Variants in CIB2 observed in about 807,000 individuals in gnomAD.
CIB2 encodes calcium and integrin-binding family member 2.
In CIB2, 19 loss-of-function variants were observed where a neutral mutation model predicts 23.1. The observed-to-expected ratio is 0.82, with a 90% confidence interval of 0.57 to 1.21. The LOEUF is 1.21. Among genes scored for constraint, CIB2 ranks in the 50% most tolerant of loss-of-function variants. The pLI, the probability that CIB2 is intolerant of heterozygous loss-of-function variation, is 0.00. For synonymous variants in CIB2, 94 were observed against 91.7 expected (o/e 1.03, Z -0.14); for missense variants, 220 against 241.5 (o/e 0.91, Z 0.59).
At chr15:78,108,722 T>G (rs1469755526) in intron 4 of CIB2, among the ~76,000 whole-genome samples, 1 of 152,034 alleles carries the variant, frequency 6.6e-6, no homozygotes, top group African/African-American at 2.4e-5. Context: ...AGAGCTGCCC[T>G]TCCTCACTGG....
rs140284593 is a variant in CIB2, at chr15:78,111,061, G to A, written c.198+104C>T. ...GGTTCTGTGATCTGCTCAGAGCCAC[G>A]CAGACACAAAGGGTGGAGCTGGGTT... On this transcript the variant is annotated intron_variant, in intron 3 of 5. Transcript: ENST00000258930. 28 of 931,866 alleles carry A rather than the reference G, an allele frequency of 3.0e-5. No homozygotes were observed. In the African/African-American group the frequency reaches 3.7e-4, roughly 12 times the overall value. The allele number at this position is 931,866 out of a possible 1,614,324, so 57.7% of individuals were successfully genotyped here.
intron 4 of CIB2, among the ~76,000 whole-genome samples, chr15:78,107,932 G>A (rs1440121872): frequency 6.6e-6 from 1 of 152,192 alleles, no homozygotes; most frequent in Admixed American, 6.5e-5. Context: ...AGCACTTTGG[G>A]AGGCCAAGGC....
At chr15:78,117,072 A>G (rs2074250100) in intron 2 of CIB2, among the ~76,000 whole-genome samples, 1 of 151,774 alleles carries the variant, frequency 6.6e-6, no homozygotes, top group Admixed American at 6.6e-5. Flanking sequence ...AGGTACTTAG[A>G]TAACTATTGT....
chr15:78,129,015 G>C (rs2074419248), intron 1 of CIB2, among the ~76,000 whole-genome samples: 1 of 152,202 alleles, frequency 6.6e-6, no homozygotes, highest in Non-Finnish European at 1.5e-5. Context: ...TGGAGTTTGA[G>C]GGGTCTGGGG....
Position 78,111,274 on chromosome 15 carries a change from A to G in CIB2, c.89T>C (p.Leu30Pro). Residue 30 changes from leucine to proline, a missense_variant and splice_region_variant, in exon 3 of 6, where the codon CTG becomes CCG. Physicochemically the swap from Leu to Pro is moderately conservative, Grantham distance 98. Transcript: ENST00000258930. ...GGCCAGCTCATAGAATCGCGAATGC[A>G]GCCTTGGAGGAAAGCAGAGAAAAAG... is the stretch of plus-strand genomic sequence containing the variant. ...TFFNKKDILK[L>P]HSRFYELAPN... 1.9e-6 allele frequency: 3 copies of G among 1,613,730 alleles called. No homozygotes were observed. Among genetic ancestry groups the G allele is most frequent in the African/African-American group, 1.3e-5 (1 of 75,048 alleles).
At chr15:78,109,194 C>CG (rs2074115225) in intron 4 of CIB2, 41 bp downstream of exon 4, 2 of 1,268,878 alleles carry the variant, frequency 1.6e-6, no homozygotes. Flanking sequence ...CCACATGTTC[C>CG]CCCACCGCAT....
At chr15:78,117,246 C>CAAAACAAAAAAAAAAAAAAAAAAAA (rs2074253191) in intron 2 of CIB2, among the ~76,000 whole-genome samples, 1 of 55,496 alleles carries the variant, frequency 1.8e-5, no homozygotes, top group Non-Finnish European at 3.0e-5. Context: ...AAGCTACTGG[C>CAAAACAAAAAAAAAAAAAAAAAAAA]AAAAAAAAAA....
At chr15:78,108,218 AAG>A (rs2074099902) in intron 4 of CIB2, among the ~76,000 whole-genome samples, 1 of 151,014 alleles carries the variant, frequency 6.6e-6, no homozygotes, top group Non-Finnish European at 1.5e-5. Flanking sequence ...AAAAAAAAAA[AAG>A]AAAAGAAAAG....
At chr15:78,107,191 C>T (rs958034305) in intron 4 of CIB2, among the ~76,000 whole-genome samples, 2 of 152,098 alleles carry the variant, frequency 1.3e-5, no homozygotes, top group Non-Finnish European at 2.9e-5. Context: ...GCTGAGATCG[C>T]ACCACTGCAC....
At chr15:78,120,657 T>C in intron 2 of CIB2, 1 of 985,050 alleles carries the variant, frequency 1.0e-6, no homozygotes, top group Non-Finnish European at 1.2e-6. Context: ...AGCAATCGGA[T>C]CTACCTGGGT....
chr15:78,130,787 C>T (rs2074442795), intron 1 of CIB2, among the ~76,000 whole-genome samples: 1 of 152,182 alleles, frequency 6.6e-6, no homozygotes, highest in Non-Finnish European at 1.5e-5. Context: ...CTCCTGGGCT[C>T]CTTCCTGGGG....
At chr15:78,118,725 C>T (rs2074276304) in intron 2 of CIB2, among the ~76,000 whole-genome samples, 1 of 152,008 alleles carries the variant, frequency 6.6e-6, no homozygotes, top group African/African-American at 2.4e-5. Flanking sequence ...AGTTCAGTGG[C>T]ATATTAAATA....
chr15:78,127,109 T>C (rs2074391691), intron 1 of CIB2, among the ~76,000 whole-genome samples: 1 of 152,154 alleles, frequency 6.6e-6, no homozygotes, highest in Non-Finnish European at 1.5e-5. Flanking sequence ...AGGAAGTCTA[T>C]AGGCCCCAGC....
intron 2 of CIB2, among the ~76,000 whole-genome samples, chr15:78,121,284 C>T (rs868410472): frequency 1.3e-5 from 2 of 152,200 alleles, no homozygotes; most frequent in Non-Finnish European, 1.5e-5. Context: ...CCCCATGCTG[C>T]AGACGGGGCC....
chr15:78,130,938 C>CTGGAGAGAGTA (rs2074445399), intron 1 of CIB2, among the ~76,000 whole-genome samples: 1 of 152,154 alleles, frequency 6.6e-6, no homozygotes, highest in Non-Finnish European at 1.5e-5. Flanking sequence ...GAGAGAGGCG[C>CTGGAGAGAGTA]GCCTGAGAGG....
At chr15:78,109,605 A>G (rs2141888148) in intron 3 of CIB2, 3 of 578,668 alleles carry the variant, frequency 5.2e-6, no homozygotes, top group Non-Finnish European at 9.3e-6. Flanking sequence ...GGCCCGGCAC[A>G]TGTAAGAGCT....
intron 4 of CIB2, among the ~76,000 whole-genome samples, chr15:78,108,134 G>A (rs1361305902): frequency 6.7e-6 from 1 of 149,584 alleles, no homozygotes; most frequent in African/African-American, 2.5e-5. Context: ...AACCCGGGAG[G>A]CAGAGGTTGC....
intron 4 of CIB2, among the ~76,000 whole-genome samples, chr15:78,107,979 C>T (rs973379949): frequency 8.5e-5 from 13 of 152,078 alleles, no homozygotes; most frequent in Non-Finnish European, 1.8e-4. Context: ...CGAGACCAGC[C>T]TGACCAACAT....
At position 78,111,171 on chromosome 15, in the gene CIB2, C is replaced by G. The variant is rs145415848; in HGVS notation, c.192G>C (p.Glu64Asp). The G allele has an allele frequency of 6.2e-7, 1 of 1,613,958 alleles. No homozygotes were observed. The highest frequency in any genetic ancestry group is 1.1e-5 in the South Asian group (1 of 91,078). ...CAAGAGGTCCTGCACATACCCGGAGCTCTGGCATCTGGATGATGAGGCTCA... is the reference window on the plus strand; with the variant it reads ...CAAGAGGTCCTGCACATACCCGGAGGTCTGGCATCTGGATGATGAGGCTCA... ...VPMSLIIQMP[E>D]LRENPFKERI... Residue 64 changes from glutamate to aspartate, a missense_variant, in exon 3 of 6, where the codon GAG (glutamate) becomes GAC (aspartate). Physicochemically the swap from Glu to Asp is conservative, Grantham distance 45. Transcript: ENST00000258930.
Sources: allele counts gnomAD v4.1 joint callset (sites outside exome capture counted in the v4.1 genomes callset), GRCh38; gene constraint gnomAD v4.1.1; transcripts MANE v1.5; gene names NCBI Gene and HGNC (gene_info 2026-07-23, HGNC 2026-07-21).